KIAA0586: variants seen among roughly 807,000 people sequenced by gnomAD.
The protein encoded by KIAA0586 is protein TALPID3.
KIAA0586 carries 144 observed loss-of-function variants against 169.8 expected under a neutral mutation model. The ratio of observed to expected loss-of-function variants is 0.85; its 90% CI spans 0.74 to 0.97. KIAA0586 has a LOEUF of 0.97. Ranked by LOEUF, KIAA0586 falls within the 50% of genes least tolerant of loss-of-function variation. The probability of loss-of-function intolerance (pLI) is 0.00; values close to 1 mark genes in which losing one functional copy is unlikely to be tolerated. For synonymous variants in KIAA0586, 625 were observed against 612.4 expected, an observed-to-expected ratio of 1.02 and a Z score of -0.30; for missense variants, 1,854 against 1,823.0, an observed-to-expected ratio of 1.02 and a Z score of -0.31.
chr14:58,470,868 TTCAG>T (rs1343931809), intron 17 of KIAA0586, 145 bp downstream of exon 17: 7 of 497,304 alleles, frequency 1.4e-5, no homozygotes, highest in South Asian at 1.1e-4. Flanking sequence ...TTTTTTTTTT[TTCAG>T]TCAGAGTCTT....
Position 58,540,122 on chromosome 14 carries a change from CAT to C in KIAA0586, c.4482_4483del (p.Val1496IlefsTer68), listed in dbSNP as rs777199366. The C allele has an allele frequency of 2.5e-4, 384 of 1,551,922 alleles. No homozygotes were observed. The highest frequency in any genetic ancestry group is 1.7e-4 in the Middle Eastern group (1 of 5,992). ...CAAATTGAGCTTAATCCGTACCTCA[CAT>C]GTGTATTTTCAGGTAAGATTTTTAC... is the stretch of plus-strand genomic sequence containing the variant. On this transcript the variant is annotated frameshift_variant, in exon 30 of 31. Transcript: ENST00000652326. LOFTEE classifies it low-confidence loss of function (END_TRUNC).
intron 29 of KIAA0586, among the ~76,000 whole-genome samples, chr14:58,513,516 A>T (rs1225217412): frequency 1.3e-5 from 2 of 151,294 alleles, no homozygotes; most frequent in Non-Finnish European, 3.0e-5. Context: ...TTAGGTTTTC[A>T]CTCTTCCATT....
intron 7 of KIAA0586, among the ~76,000 whole-genome samples, chr14:58,449,956 A>G (rs530200626): frequency 2.7e-4 from 41 of 152,300 alleles, no homozygotes; most frequent in African/African-American, 9.9e-4. Flanking sequence ...TCATGTTTAC[A>G]TATTTGTAAT....
chr14:58,516,802 G>A (rs187135566), intron 29 of KIAA0586, among the ~76,000 whole-genome samples: 15 of 152,130 alleles, frequency 9.9e-5, no homozygotes, highest in African/African-American at 3.4e-4. Context: ...AATATCAATG[G>A]GATAGAATAG....
intron 2 of KIAA0586, 148 bp from the exon 3 acceptor site, chr14:58,430,500 C>G (rs2037269225): frequency 1.9e-6 from 1 of 538,114 alleles, no homozygotes; most frequent in African/African-American, 2.0e-5. Context: ...TAAGGTACAT[C>G]AGAATTGCAT....
At chr14:58,509,813 A>G (rs1382894114) in intron 28 of KIAA0586, among the ~76,000 whole-genome samples, 1 of 152,226 alleles carries the variant, frequency 6.6e-6, no homozygotes, top group East Asian at 1.9e-4. Flanking sequence ...GGTACTATCT[A>G]TGAATAATAA....
downstream of KIAA0586, among the ~76,000 whole-genome samples, chr14:58,554,951 G>A (rs2047234350): frequency 1.3e-5 from 2 of 152,076 alleles, no homozygotes; most frequent in African/African-American, 4.8e-5. Flanking sequence ...TTTGTGTTAG[G>A]AGAGAAATTC....
At chr14:58,446,699 G>A (rs889530412) in intron 6 of KIAA0586, among the ~76,000 whole-genome samples, 3 of 151,774 alleles carry the variant, frequency 2.0e-5, no homozygotes, top group African/African-American at 7.3e-5. Context: ...GACTTAACAG[G>A]GTTTATCTTG....
intron 26 of KIAA0586, among the ~76,000 whole-genome samples, chr14:58,497,509 G>A (rs551446658): frequency 1.3e-5 from 2 of 151,466 alleles, no homozygotes; most frequent in African/African-American, 2.4e-5. Context: ...ACAGGCACCC[G>A]CCACCACGCC....
Position 58,458,545 on chromosome 14 carries a change from G to T in KIAA0586, c.1656G>T (p.Gln552His). ...EWIKTISAEI[Q>H]DELSRTDYEQ... ...TTAAAACTATTTCTGCAGAAATTCA[G>T]GTATGTCTTGGAAAAAAACTGAAAA... Residue 552 changes from glutamine to histidine, a missense_variant and splice_region_variant, in exon 12 of 31, where the codon CAG becomes CAT. Physicochemically the swap from Gln to His is conservative, Grantham distance 24. Coordinates refer to ENST00000652326, the MANE Select transcript of KIAA0586 (RefSeq NM_001329943.3). 1 of 1,514,396 alleles carries T rather than the reference G, an allele frequency of 6.6e-7. No homozygotes were observed. The highest frequency in any genetic ancestry group is 2.5e-5 in the East Asian group (1 of 39,980). The allele number at this position is 1,514,396 out of a possible 1,614,324, so 93.8% of individuals were successfully genotyped here.
At chr14:58,518,486 T>C (rs1300845132) in intron 29 of KIAA0586, among the ~76,000 whole-genome samples, 2 of 152,246 alleles carry the variant, frequency 1.3e-5, no homozygotes, top group African/African-American at 2.4e-5. Flanking sequence ...TACTCTTGTT[T>C]AAAATTTTCT....
At position 58,459,964 on chromosome 14, in the gene KIAA0586, A is replaced by T. The variant is rs746273925; in HGVS notation, c.1778A>T (p.Lys593Ile). 6.5e-7 allele frequency: 1 copy of T among 1,534,286 alleles called. No individual in the cohort carries two copies. The highest frequency in any genetic ancestry group is 1.2e-5 in the South Asian group (1 of 83,992). The change falls in exon 13 of 31, where the codon AAA becomes ATA. Residue 593 changes from lysine (K) to isoleucine (I), a missense_variant. By Grantham distance (102) the Lys-to-Ile change is moderately radical (BLOSUM62 -3). Transcript: ENST00000652326. Reference sequence around the variant, plus strand: ...AACACACAAGATAAAACTGTCAACAAATCTGTAATTCCAAGAAAACATTCT... The same window carrying T: ...AACACACAAGATAAAACTGTCAACATATCTGTAATTCCAAGAAAACATTCT... ...RTNTQDKTVN[K>I]SVIPRKHSQK...
At chr14:58,510,072 C>G (rs1397616946) in intron 28 of KIAA0586, among the ~76,000 whole-genome samples, 3 of 152,096 alleles carry the variant, frequency 2.0e-5, no homozygotes, top group Non-Finnish European at 2.9e-5. Flanking sequence ...GGCAAATAAG[C>G]ACATAAAAAG....
At chr14:58,468,221 A>T (rs1198507796) in intron 16 of KIAA0586, among the ~76,000 whole-genome samples, 1 of 149,254 alleles carries the variant, frequency 6.7e-6, no homozygotes, top group Non-Finnish European at 1.5e-5. Context: ...AATTTTTTGT[A>T]TTTTTTTTTA....
intron 1 of KIAA0586, 130 bp downstream of exon 1, chr14:58,428,593 G>A (rs1352331237): frequency 7.6e-6 from 5 of 659,224 alleles, no homozygotes; most frequent in South Asian, 6.7e-5. Flanking sequence ...CCTGTTTCCC[G>A]GGAAAATGGC....
intron 20 of KIAA0586, among the ~76,000 whole-genome samples, chr14:58,479,616 A>G (rs1316920382): frequency 6.6e-6 from 1 of 152,096 alleles, no homozygotes; most frequent in African/African-American, 2.4e-5. Context: ...TCATTAAGAT[A>G]GTTTCCTATG....
At chr14:58,508,124 G>A (rs1250733736) in intron 27 of KIAA0586, among the ~76,000 whole-genome samples, 3 of 152,214 alleles carry the variant, frequency 2.0e-5, no homozygotes, top group Admixed American at 6.5e-5. Flanking sequence ...TTGATCACTT[G>A]AAGAACAAAA....
intron 29 of KIAA0586, among the ~76,000 whole-genome samples, chr14:58,522,291 A>G (rs1163971386): frequency 1.3e-5 from 2 of 152,250 alleles, no homozygotes; most frequent in Non-Finnish European, 2.9e-5. Context: ...TCTCCAAAAT[A>G]ATCTTTTGTT....
At chr14:58,437,055 G>A (rs1476753733) in intron 4 of KIAA0586, among the ~76,000 whole-genome samples, 3 of 152,148 alleles carry the variant, frequency 2.0e-5, no homozygotes, top group Non-Finnish European at 1.5e-5. Context: ...GATTGGAAGA[G>A]GGCTAGACTA....
Sources: allele counts gnomAD v4.1 joint callset (sites outside exome capture counted in the v4.1 genomes callset), GRCh38; gene constraint gnomAD v4.1.1; transcripts MANE v1.5; gene names NCBI Gene and HGNC (gene_info 2026-07-23, HGNC 2026-07-21).